Variants in MSN observed in about 807,000 individuals in gnomAD.
MSN encodes the protein moesin.
Under a neutral mutation model 48.0 loss-of-function variants are expected in MSN, and 2 were observed. The observed-to-expected ratio is 0.04, with a 90% CI of 0.02 to 0.13. MSN has a LOEUF of 0.13. Ranked by LOEUF, MSN falls within the 10% of genes least tolerant of loss-of-function variation. The probability of loss-of-function intolerance (pLI) is 1.00; values close to 1 mark genes in which losing one functional copy is unlikely to be tolerated. For missense variants in MSN, 267 were observed against 470.1 expected (o/e 0.57, Z 3.99); for synonymous variants, 146 against 166.9 (o/e 0.87, Z 0.97).
chrX:65,594,460 G>C, intron 1 of MSN, among the ~76,000 whole-genome samples: 1 of 111,536 alleles, frequency 9.0e-6, no homozygotes, highest in Middle Eastern at 4.6e-3. Context: ...AGGATGTAAT[G>C]GAAAGCCTTG....
intron 1 of MSN, among the ~76,000 whole-genome samples, chrX:65,630,004 C>T (rs1483880766): frequency 1.8e-5 from 2 of 110,897 alleles, no homozygotes; most frequent in East Asian, 5.7e-4. Context: ...CGTGGTGAAA[C>T]TCTGTCTCTA....
chrX:65,669,971 C>T (rs1333471872), intron 1 of MSN, among the ~76,000 whole-genome samples: 2 of 111,843 alleles, frequency 1.8e-5, no homozygotes, highest in African/African-American at 6.5e-5. Context: ...TATTCTGACC[C>T]AATGATTGAG....
intron 1 of MSN, among the ~76,000 whole-genome samples, chrX:65,700,894 G>A (rs1382078075): frequency 9.0e-6 from 1 of 111,529 alleles, no homozygotes; most frequent in Non-Finnish European, 1.9e-5. Flanking sequence ...GTCCTTGATG[G>A]AGGAGTTGGG....
At chrX:65,731,211 G>T (rs1439268811) in intron 5 of MSN, 21 bp downstream of exon 5, 2 of 1,162,325 alleles carry the variant, frequency 1.7e-6, no homozygotes, top group Admixed American at 2.3e-5. Context: ...CCAAGCAGTG[G>T]TGGGCCCCAC....
chrX:65,727,524 A>G (rs753099926), intron 2 of MSN, among the ~76,000 whole-genome samples: 4 of 112,054 alleles, frequency 3.6e-5, no homozygotes, highest in African/African-American at 9.7e-5. Flanking sequence ...CCTAATTGTA[A>G]GTCTAGCATA....
At chrX:65,680,881 T>C (rs2071048399) in intron 1 of MSN, among the ~76,000 whole-genome samples, 1 of 110,889 alleles carries the variant, frequency 9.0e-6, no homozygotes, top group Admixed American at 9.6e-5. Context: ...CCCTAGCAGC[T>C]GGGATTACAG....
At chrX:65,683,585 T>A (rs1034078226) in intron 1 of MSN, among the ~76,000 whole-genome samples, 1 of 110,579 alleles carries the variant, frequency 9.0e-6, no homozygotes, top group African/African-American at 3.3e-5. Context: ...TTGAGAGGTG[T>A]AGGTTTATGC....
intron 1 of MSN, among the ~76,000 whole-genome samples, chrX:65,607,781 C>T (rs1174032036): frequency 9.0e-6 from 1 of 110,630 alleles, no homozygotes; most frequent in Non-Finnish European, 1.9e-5. Context: ...AGACAGGAGG[C>T]AGGGGACATG....
intron 1 of MSN, among the ~76,000 whole-genome samples, chrX:65,671,014 G>A (rs2070936504): frequency 3.2e-5 from 3 of 92,626 alleles, no homozygotes; most frequent in South Asian, 5.5e-4. Context: ...GGATCACAAA[G>A]GCTTTGAGGC....
chrX:65,719,713 C>T (rs2071498976), intron 2 of MSN, among the ~76,000 whole-genome samples: 1 of 111,369 alleles, frequency 9.0e-6, no homozygotes, highest in African/African-American at 3.3e-5. Flanking sequence ...TTTACCTATA[C>T]TCCTTCCAAG....
intron 1 of MSN, among the ~76,000 whole-genome samples, chrX:65,695,780 C>T (rs1367905874): frequency 1.9e-5 from 2 of 106,194 alleles, no homozygotes; most frequent in African/African-American, 7.8e-5. Context: ...GCACCTAATG[C>T]CAAAGTGGTG....
chrX:65,706,452 G>T (rs759430142), intron 1 of MSN, among the ~76,000 whole-genome samples: 1 of 111,793 alleles, frequency 8.9e-6, no homozygotes, highest in Non-Finnish European at 1.9e-5. Context: ...TGAAAGCCCA[G>T]CAGGGGTGGC....
upstream of MSN, among the ~76,000 whole-genome samples, chrX:65,666,895 C>A (rs1461386632): frequency 1.8e-5 from 2 of 111,324 alleles, no homozygotes; most frequent in African/African-American, 6.5e-5. Flanking sequence ...TCACATCTAA[C>A]CTGAGGGAAT....
chrX:65,596,688 C>T (rs1217252015), intron 1 of MSN, among the ~76,000 whole-genome samples: 2 of 92,620 alleles, frequency 2.2e-5, no homozygotes, highest in Non-Finnish European at 4.2e-5. Context: ...AGAAGAAACT[C>T]ATTTATGGAG....
At chrX:65,597,071 A>G (rs1215177168) in intron 1 of MSN, among the ~76,000 whole-genome samples, 1 of 111,572 alleles carries the variant, frequency 9.0e-6, no homozygotes, top group South Asian at 3.7e-4. Context: ...TTTATTTGAG[A>G]CAGAGTCTCA....
At chrX:65,597,087 T>C (rs970325970) in intron 1 of MSN, among the ~76,000 whole-genome samples, 33 of 111,776 alleles carry the variant, frequency 3.0e-4, no homozygotes, top group African/African-American at 1.0e-3. Context: ...TCTCATTCTG[T>C]TCCCCAGGCT....
chrX:65,709,536 C>A (rs2071394968), intron 1 of MSN, among the ~76,000 whole-genome samples: 1 of 112,194 alleles, frequency 8.9e-6, no homozygotes, highest in African/African-American at 3.2e-5. Context: ...CCAGGGTGAT[C>A]CTCTACGAGG....
Position 65,704,231 on chromosome X carries a change from C to T in MSN, c.13-12587C>T, listed in dbSNP as rs2071338898. Among the ~76,000 whole-genome samples the T allele has an allele frequency of 1.8e-5, 2 of 112,334 alleles. 1 individual carries two copies. Among genetic ancestry groups the T allele is most frequent in the Admixed American group, 1.9e-4 (2 of 10,601 alleles). Reference sequence around the variant, plus strand: ...AGCTAGGTGTGGCCCCGGATAGGGGCTTTGCCCATCTGGAGACTTACTTTA... The same window carrying T: ...AGCTAGGTGTGGCCCCGGATAGGGGTTTTGCCCATCTGGAGACTTACTTTA... On this transcript the variant is annotated intron_variant, in intron 1 of 12. Coordinates refer to ENST00000360270, the MANE Select transcript of MSN (RefSeq NM_002444.3).
chrX:65,706,797 G>GT (rs1170605123), intron 1 of MSN, among the ~76,000 whole-genome samples: 1 of 111,976 alleles, frequency 8.9e-6, no homozygotes, highest in Non-Finnish European at 1.9e-5. Context: ...TTGGCATTCA[G>GT]TAAGTGTTCA....
Sources: allele counts gnomAD v4.1 joint callset (sites outside exome capture counted in the v4.1 genomes callset), GRCh38; gene constraint gnomAD v4.1.1; transcripts MANE v1.5; gene names NCBI Gene and HGNC (gene_info 2026-07-23, HGNC 2026-07-21).